Variants in CLN6 observed in about 807,000 individuals in gnomAD.
The protein encoded by CLN6 is CLN6 transmembrane ER protein, also known as ceroid-lipofuscinosis neuronal protein 6.
Under a neutral mutation model 33.3 loss-of-function variants are expected in CLN6, and 22 were observed. The ratio of observed to expected loss-of-function variants is 0.66; its 90% CI spans 0.47 to 0.94. The LOEUF (loss-of-function observed/expected upper bound fraction) is 0.94, where lower values mean the gene tolerates loss of function less well. Ranked by LOEUF, CLN6 falls within the 40% of genes least tolerant of loss-of-function variation. CLN6 has a pLI of 0.00. For synonymous variants in CLN6, 201 were observed against 174.6 expected (o/e 1.15, Z -1.19); for missense variants, 387 against 417.1 (o/e 0.93, Z 0.63).
intron 1 of CLN6, among the ~76,000 whole-genome samples, chr15:68,239,982 G>T (rs2141161763): frequency 6.6e-6 from 1 of 152,244 alleles, no homozygotes; most frequent in Non-Finnish European, 1.5e-5. Flanking sequence ...CTAGGTTTTG[G>T]AAATTAGGAA....
At chr15:68,238,381 G>A (rs1892248124) in intron 1 of CLN6, among the ~76,000 whole-genome samples, 1 of 151,430 alleles carries the variant, frequency 6.6e-6, no homozygotes, top group Admixed American at 6.6e-5. Context: ...TCCAGCTGGC[G>A]ACAGAGTGAG....
Position 68,211,866 on chromosome 15 carries a change from G to A in CLN6, c.298-3C>T. On this transcript the variant is annotated splice_polypyrimidine_tract_variant and splice_region_variant and intron_variant, in intron 3 of 6. Coordinates refer to ENST00000249806, the MANE Select transcript of CLN6 (RefSeq NM_017882.3). This position sits in a 1 kb window ranked among gnomAD's most constrained non-coding sequence, Gnocchi z 5.9. ...GTGCGGGGGGACCGCTCGATGAGCT[G>A]GGGTTCAGAGTGGGGTTGGCAGCAT... 1.2e-6 allele frequency: 2 copies of A among 1,613,186 alleles called. No homozygotes were observed. Among genetic ancestry groups the A allele is most frequent in the Non-Finnish European group, 1.7e-6 (2 of 1,179,896 alleles).
In CLN6 at chr15:68,228,165, C is replaced by G. The variant is rs1007305761; in HGVS notation, c.83+1337G>C. Among the ~76,000 whole-genome samples, 1 of 152,180 alleles carries G rather than the reference C, an allele frequency of 6.6e-6. No individual in the cohort carries two copies. The highest frequency in any genetic ancestry group is 2.4e-5 in the African/African-American group (1 of 41,442). ...GCGGTCTATGGCCAGTACATTGTTT[C>G]TAAGTGAAAACGGACACAGTCCGCA... is the stretch of plus-strand genomic sequence containing the variant. On this transcript the variant is annotated intron_variant, in intron 1 of 6. Coordinates refer to ENST00000249806, the MANE Select transcript of CLN6 (RefSeq NM_017882.3). The surrounding 1 kb of genome is among the most constrained non-coding windows in gnomAD (Gnocchi z 4.4).
chr15:68,223,786 C>T (rs1466364717), intron 1 of CLN6, among the ~76,000 whole-genome samples: 2 of 151,252 alleles, frequency 1.3e-5, no homozygotes, highest in Non-Finnish European at 2.9e-5. Flanking sequence ...TGGCTCATGC[C>T]TGTACTCCCA....
At position 68,208,104 on chromosome 15, in the gene CLN6, C is replaced by A; in HGVS notation, c.*36G>T. 1 of 1,558,930 alleles carries A rather than the reference C, an allele frequency of 6.4e-7. No homozygotes were observed. The highest frequency in any genetic ancestry group is 2.3e-5 in the East Asian group (1 of 42,610). On this transcript the variant is annotated 3_prime_UTR_variant, in exon 7 of 7. Transcript: ENST00000249806. The surrounding 1 kb of genome is among the most constrained non-coding windows in gnomAD (Gnocchi z 5.8). ...CAGATGCCCTCCATGGCCCACCCTC[C>A]CACCCAGCAGAGCGCCAGAGCCTGG...
chr15:68,218,434 G>A (rs1199692029), intron 2 of CLN6, 102 bp downstream of exon 2: 2 of 853,228 alleles, frequency 2.3e-6, no homozygotes, highest in East Asian at 2.5e-5. Flanking sequence ...AGTTTACTAG[G>A]AGATAAAGGA....
In CLN6 at chr15:68,209,498, T is replaced by C. The variant is rs1431374081; in HGVS notation, c.665+139A>G. The C allele has an allele frequency of 3.5e-5, 42 of 1,210,592 alleles. No individual in the cohort carries two copies. Among genetic ancestry groups the C allele is most frequent in the Non-Finnish European group, 4.7e-5 (39 of 834,362 alleles). The allele number at this position is 1,210,592 out of a possible 1,614,324, so 75.0% of individuals were successfully genotyped here. ...CACAGGGCATTGTCACAGTCCCCACTAGACACAAGAAGAAGCACGGGCCCA... is the reference window on the plus strand; with the variant it reads ...CACAGGGCATTGTCACAGTCCCCACCAGACACAAGAAGAAGCACGGGCCCA... On this transcript the variant is annotated intron_variant, in intron 6 of 6. Coordinates refer to ENST00000249806, the MANE Select transcript of CLN6 (RefSeq NM_017882.3). The surrounding 1 kb of genome is among the most constrained non-coding windows in gnomAD (Gnocchi z 4.9).
chr15:68,221,370 C>T (rs1340864127), intron 1 of CLN6, among the ~76,000 whole-genome samples: 6 of 152,036 alleles, frequency 3.9e-5, no homozygotes, highest in Admixed American at 6.6e-5. Context: ...TGCCTGGGAT[C>T]GCAGGCACAC....
chr15:68,245,032 CAA>C lies in CLN6; in HGVS notation c.179+11656_179+11657del, dbSNP rs34008952. Among the ~76,000 whole-genome samples, 29 of 101,132 alleles carry C rather than the reference CAA, an allele frequency of 2.9e-4. 1 individual carries two copies. The East Asian group carries it at 7.8e-3, about 27-fold the overall frequency. 66.3% of individuals were successfully genotyped at this position (101,132 alleles called of 152,430 possible). A position where few individuals can be genotyped will look rare whatever the true frequency, so the allele number is the denominator to read the frequency against. ...CTTGGATGACAGAGCAAGACTCTGACAAAAAAAAAAAAAAAAAAGAGAGAGAG... is the reference window on the plus strand; with the variant it reads ...CTTGGATGACAGAGCAAGACTCTGACAAAAAAAAAAAAAAAAGAGAGAGAG... On this transcript the variant is annotated intron_variant, in intron 1 of 6. Transcript: ENST00000538696.
chr15:68,240,998 C>CAA (rs990023121), intron 1 of CLN6, among the ~76,000 whole-genome samples: 3 of 124,724 alleles, frequency 2.4e-5, no homozygotes, highest in South Asian at 2.5e-4. Flanking sequence ...AAAAAAAAAA[C>CAA]AAAAAAAAAA....
At chr15:68,248,848 A>G (rs574329014) in intron 1 of CLN6, among the ~76,000 whole-genome samples, 57 of 152,276 alleles carry the variant, frequency 3.7e-4, no homozygotes, top group Non-Finnish European at 7.1e-4. Flanking sequence ...GGAAACAATC[A>G]ACTAAGAGGA....
In CLN6 at chr15:68,208,328, G is replaced by C. The variant is rs950362413; in HGVS notation, c.748C>G (p.Arg250Gly). 6.2e-7 allele frequency: 1 copy of C among 1,614,006 alleles called. No homozygotes were observed. The highest frequency in any genetic ancestry group is 2.2e-5 in the East Asian group (1 of 44,888). ...AMLALVLHQK[R>G]KRLFLDSNGL... ...TTGCTGTCCAGGAAGAGGCGCTTGC[G>C]CTTCTGGTGCAGGACGAGGGCCAGC... Residue 250 changes from arginine (R) to glycine (G), a missense_variant, in exon 7 of 7, where the codon CGC (arginine) becomes GGC (glycine). By Grantham distance (125) the Arg-to-Gly change is moderately radical. Transcript: ENST00000249806. This position sits in a 1 kb window ranked among gnomAD's most constrained non-coding sequence, Gnocchi z 5.8.
chr15:68,229,595 C>T lies in CLN6; in HGVS notation c.-11G>A. ...CCGCGTCGCCTCCATGGCTGCCCCG[C>T]AGGCCCCTCGGCCCTGCCTTTCCGA... On this transcript the variant is annotated 5_prime_UTR_variant, in exon 1 of 7. Transcript: ENST00000249806. 1.4e-6 allele frequency: 2 copies of T among 1,460,480 alleles called. No individual in the cohort carries two copies. The highest frequency in any genetic ancestry group is 1.8e-6 in the Non-Finnish European group (2 of 1,110,068). 90.5% of individuals were successfully genotyped at this position (1,460,480 alleles called of 1,614,324 possible).
At chr15:68,232,180 C>T (rs1227741143), upstream of CLN6, among the ~76,000 whole-genome samples, 6 of 129,916 alleles carry the variant, frequency 4.6e-5, no homozygotes, top group South Asian at 2.6e-4. This position sits in a 1 kb window ranked among gnomAD's most constrained non-coding sequence, Gnocchi z 4.7. Context: ...TTTTTTGAGA[C>T]GGAGTCTTGC....
rs117499956 is a variant in CLN6, at chr15:68,248,983, C to T, written c.179+7707G>A. Among the ~76,000 whole-genome samples, 86 of 152,130 alleles carry T rather than the reference C, an allele frequency of 5.7e-4. 2 individuals are homozygous for T. In the East Asian group the frequency reaches 0.013, roughly 23 times the overall value. ...AACCAACAACAACAAAAAACAACAACAACAAAAAAATTCAATTAAAAAATG... is the reference window on the plus strand; with the variant it reads ...AACCAACAACAACAAAAAACAACAATAACAAAAAAATTCAATTAAAAAATG... On this transcript the variant is annotated intron_variant, in intron 1 of 6. Transcript: ENST00000538696.
chr15:68,245,904 AC>A (rs1405575739), intron 1 of CLN6, among the ~76,000 whole-genome samples: 2 of 152,206 alleles, frequency 1.3e-5, no homozygotes, highest in African/African-American at 4.8e-5. Flanking sequence ...CCAAAAAAGA[AC>A]AAGATTAGCT....
In CLN6 at chr15:68,211,670, C is replaced by T. The variant is rs754600522; in HGVS notation, c.486+5G>A. The T allele has an allele frequency of 6.2e-7, 1 of 1,613,334 alleles. No homozygotes were observed. The highest frequency in any genetic ancestry group is 8.5e-7 in the Non-Finnish European group (1 of 1,179,986). ...TTACAGGCAGGGAGCAGGAGGTGGC[C>T]TCACCAGCGTCTCCGGCTTGAGATT... On this transcript the variant is annotated splice_donor_5th_base_variant and intron_variant, in intron 4 of 6. Transcript: ENST00000249806. This position sits in a 1 kb window ranked among gnomAD's most constrained non-coding sequence, Gnocchi z 5.9.
At position 68,256,690 on chromosome 15, in the gene CLN6, T is replaced by C; in HGVS notation, c.179A>G (p.Lys60Arg). ...CTGCTCTCATTGCCTTGAAACTTAC[T>C]TTTTACCTTTGAATTTGAGTTTTCT... Residue 60 changes from lysine (K) to arginine (R), a missense_variant and splice_region_variant, in exon 1 of 7, where the codon AAG becomes AGG. Coordinates refer to the CLN6 transcript ENST00000538696. This position sits in a 1 kb window ranked among gnomAD's most constrained non-coding sequence, Gnocchi z 4.1. 1 of 667,404 alleles carries C rather than the reference T, an allele frequency of 1.5e-6. No individual in the cohort carries two copies. The highest frequency in any genetic ancestry group is 2.7e-6 in the Non-Finnish European group (1 of 366,388). 41.3% of individuals were successfully genotyped at this position (667,404 alleles called of 1,614,324 possible).
intron 1 of CLN6, among the ~76,000 whole-genome samples, chr15:68,243,669 C>T (rs538186477): frequency 6.1e-5 from 9 of 148,296 alleles, no homozygotes; most frequent in Non-Finnish European, 1.0e-4. Context: ...GCAGGAGTAT[C>T]GCTTGAACCC....
Sources: allele counts gnomAD v4.1 joint callset (sites outside exome capture counted in the v4.1 genomes callset), GRCh38; gene constraint gnomAD v4.1.1; non-coding constraint Gnocchi (gnomAD v3.1); transcripts MANE v1.5; gene names NCBI Gene and HGNC (gene_info 2026-07-23, HGNC 2026-07-21).